The following PDE7B variants were observed in gnomAD, a reference collection of about 807,000 sequenced individuals.
The protein encoded by PDE7B is phosphodiesterase 7B, also known as 3',5'-cyclic-AMP phosphodiesterase 7B.
PDE7B carries 29 observed loss-of-function variants against 56.2 expected under a neutral mutation model. The observed-to-expected ratio is 0.52, with a 90% CI of 0.38 to 0.70. PDE7B has a LOEUF of 0.70. Ranked by LOEUF, PDE7B falls within the 30% of genes least tolerant of loss-of-function variation. The probability of loss-of-function intolerance (pLI) is 0.00; values close to 1 mark genes in which losing one functional copy is unlikely to be tolerated. For missense variants in PDE7B, 490 were observed against 565.0 expected (o/e 0.87, Z 1.35); for synonymous variants, 197 against 196.9 (o/e 1.00, Z 0.00).
chr6:135,869,594 T>C (rs1775334477), intron 1 of PDE7B, among the ~76,000 whole-genome samples: 2 of 152,188 alleles, frequency 1.3e-5, no homozygotes, highest in African/African-American at 4.8e-5. Flanking sequence ...CAGAGATGAC[T>C]GACAGTTACT....
intron 11 of PDE7B, among the ~76,000 whole-genome samples, chr6:136,182,710 A>G (rs1386270873): frequency 6.6e-6 from 1 of 152,230 alleles, no homozygotes; most frequent in East Asian, 1.9e-4. Flanking sequence ...TAAGGCCCAT[A>G]GTGCCAGTAA....
intron 1 of PDE7B, among the ~76,000 whole-genome samples, chr6:135,853,440 C>T (rs1268800115): frequency 6.6e-6 from 1 of 152,242 alleles, no homozygotes; most frequent in Non-Finnish European, 1.5e-5. Flanking sequence ...AAACGCATAA[C>T]TGCAGCTCCT....
At chr6:136,185,217 C>T (rs1381194069) in intron 11 of PDE7B, among the ~76,000 whole-genome samples, 1 of 152,116 alleles carries the variant, frequency 6.6e-6, no homozygotes, top group Non-Finnish European at 1.5e-5. Context: ...TTACCAGGCA[C>T]AAGAGACCCC....
At position 136,098,938 on chromosome 6, in the gene PDE7B, C is replaced by G. The variant is rs144387600; in HGVS notation, c.83-9793C>G. Among the ~76,000 whole-genome samples the G allele has an allele frequency of 3.3e-3, 491 of 149,980 alleles. 1 individual carries two copies. Among genetic ancestry groups the G allele is most frequent in the African/African-American group, 5.5e-3 (222 of 40,558 alleles). Reference sequence around the variant, plus strand: ...TATCCCTTCCCCAGCCCCCCACCCCCCAACAGGCCTCAGTGTGTGATGTTC... The same window carrying G: ...TATCCCTTCCCCAGCCCCCCACCCCGCAACAGGCCTCAGTGTGTGATGTTC... On this transcript the variant is annotated intron_variant, in intron 2 of 12. Transcript: ENST00000308191.
intron 1 of PDE7B, among the ~76,000 whole-genome samples, chr6:135,882,745 T>C (rs1353056293): frequency 6.6e-6 from 1 of 152,198 alleles, no homozygotes; most frequent in Non-Finnish European, 1.5e-5. Flanking sequence ...ACTTGACTTG[T>C]AATTTCTATT....
intron 2 of PDE7B, among the ~76,000 whole-genome samples, chr6:136,104,688 C>T (rs900184305): frequency 1.3e-5 from 2 of 152,196 alleles, no homozygotes; most frequent in Non-Finnish European, 2.9e-5. Flanking sequence ...TTGGGAATGT[C>T]TGGTGTGTTT....
intron 1 of PDE7B, among the ~76,000 whole-genome samples, chr6:135,864,111 T>C (rs1038599895): frequency 6.6e-5 from 10 of 152,114 alleles, no homozygotes; most frequent in African/African-American, 2.4e-4. Context: ...TATTTTACAT[T>C]GTTTTACTGG....
At chr6:136,007,653 GAAA>G (rs372657193) in intron 2 of PDE7B, among the ~76,000 whole-genome samples, 4 of 134,972 alleles carry the variant, frequency 3.0e-5, no homozygotes, top group Non-Finnish European at 3.2e-5. Context: ...CTTTCTTGGT[GAAA>G]AAAAAAAAAA....
rs1562508366 is a variant in PDE7B at position 136,156,202 on chromosome 6, T to TGTGTGTGTGTGTG, written c.711+444_711+445insGTGTGTGTGTGTG. 1.1e-3 allele frequency: 357 copies of TGTGTGTGTGTGTG among 324,690 alleles called. 1 individual carries two copies. Among genetic ancestry groups the TGTGTGTGTGTGTG allele is most frequent in the Middle Eastern group, 3.3e-3 (3 of 900 alleles). 20.1% of individuals were successfully genotyped at this position (324,690 alleles called of 1,614,324 possible). A position where few individuals can be genotyped will look rare whatever the true frequency, so the allele number is the denominator to read the frequency against. On this transcript the variant is annotated intron_variant, in intron 8 of 12. Coordinates refer to ENST00000308191, the MANE Select transcript of PDE7B (RefSeq NM_018945.4). Reference sequence around the variant, plus strand: ...GTGTGTGTGTGTGTGTGTGTGTGTGTTTTCAGAAACAGGGTCTTGCTTTCT... The same window carrying TGTGTGTGTGTGTG: ...GTGTGTGTGTGTGTGTGTGTGTGTGTGTGTGTGTGTGTGTTTCAGAAACAGGGTCTTGCTTTCT...
intron 2 of PDE7B, among the ~76,000 whole-genome samples, chr6:136,083,381 A>T (rs1487425058): frequency 1.3e-5 from 2 of 152,184 alleles, no homozygotes; most frequent in Non-Finnish European, 2.9e-5. Context: ...GCATGTGCGC[A>T]TGACTACTTG....
chr6:135,941,704 C>A (rs1232820064), intron 1 of PDE7B, among the ~76,000 whole-genome samples: 1 of 152,164 alleles, frequency 6.6e-6, no homozygotes, highest in Non-Finnish European at 1.5e-5. Context: ...AAAATAATAA[C>A]CATAGCCTAT....
In PDE7B at chr6:135,926,311, T is replaced by C. The variant is rs1243011602; in HGVS notation, c.22-21153T>C. ...ACCGTGTTAGCCAGGATGGTCTCAA[T>C]CTCCTGACCTCGTGATCTGCCCACC... On this transcript the variant is annotated intron_variant, in intron 1 of 12. Transcript: ENST00000308191. Among the ~76,000 whole-genome samples, 5 of 152,124 alleles carry C rather than the reference T, an allele frequency of 3.3e-5. No homozygotes were observed. The East Asian group carries it at 9.7e-4, about 30-fold the overall frequency.
chr6:135,934,915 TTATTTAAATATA>T (rs1353993679), intron 1 of PDE7B, among the ~76,000 whole-genome samples: 15 of 106,142 alleles, frequency 1.4e-4, no homozygotes, highest in African/African-American at 4.3e-4. Flanking sequence ...ATATAAATAT[TTATTTAAATATA>T]TATTTAAATA....
rs113187631 is a variant in PDE7B at position 136,097,136 on chromosome 6, C to T, written c.83-11595C>T. ...TGGATGCTAGACCCTATTCACTTCT[C>T]GCTCATTTCCTAGGCAACTTCATGA... is the stretch of plus-strand genomic sequence containing the variant. On this transcript the variant is annotated intron_variant, in intron 2 of 12. Coordinates refer to ENST00000308191, the MANE Select transcript of PDE7B (RefSeq NM_018945.4). 7.5e-3 allele frequency among the ~76,000 whole-genome samples: 1,141 copies of T among 152,294 alleles called. 12 individuals are homozygous for T. The highest frequency in any genetic ancestry group is 0.025 in the African/African-American group (1,046 of 41,566).
chr6:135,909,610 A>G lies in PDE7B; in HGVS notation c.22-37854A>G, dbSNP rs199917264. ...CACAGAATGAGACCCTGTCTCCACA[A>G]ATAAATAAATAATAAATAAATAAAT... On this transcript the variant is annotated intron_variant, in intron 1 of 12. Transcript: ENST00000308191. 4.5e-3 allele frequency among the ~76,000 whole-genome samples: 334 copies of G among 74,300 alleles called. 4 individuals are homozygous for G. The East Asian group carries it at 0.058, about 13-fold the overall frequency. The allele number at this position is 74,300 out of a possible 152,430, so 48.7% of individuals were successfully genotyped here.
At chr6:136,055,344 G>T (rs1422467572) in intron 2 of PDE7B, among the ~76,000 whole-genome samples, 1 of 152,176 alleles carries the variant, frequency 6.6e-6, no homozygotes, top group Non-Finnish European at 1.5e-5. Flanking sequence ...AGTAAACCTT[G>T]AAAGTATTCT....
chr6:136,111,894 T>C (rs1251530243), intron 3 of PDE7B, among the ~76,000 whole-genome samples: 1 of 152,192 alleles, frequency 6.6e-6, no homozygotes, highest in Non-Finnish European at 1.5e-5. Flanking sequence ...CTTGGGTGCT[T>C]GCAGTTTTGT....
At chr6:135,908,486 T>C (rs568328790) in intron 1 of PDE7B, among the ~76,000 whole-genome samples, 1 of 152,206 alleles carries the variant, frequency 6.6e-6, no homozygotes, top group South Asian at 2.1e-4. Flanking sequence ...CTCCTAGATA[T>C]TTACCTAAAG....
intron 1 of PDE7B, among the ~76,000 whole-genome samples, chr6:135,897,263 GGTGTGTGT>G (rs3037814): frequency 6.7e-6 from 1 of 149,920 alleles, no homozygotes; most frequent in African/African-American, 2.4e-5. Flanking sequence ...ATTGTGTCAG[GGTGTGTGT>G]GTGTGTGTGT....
Sources: allele counts gnomAD v4.1 joint callset (sites outside exome capture counted in the v4.1 genomes callset), GRCh38; gene constraint gnomAD v4.1.1; transcripts MANE v1.5; gene names NCBI Gene and HGNC (gene_info 2026-07-23, HGNC 2026-07-21).